LRMDA: variants seen among roughly 807,000 people sequenced by gnomAD.
LRMDA encodes the protein leucine rich melanocyte differentiation associated.
In LRMDA, 18 loss-of-function variants were observed where a neutral mutation model predicts 29.8. The ratio of observed to expected loss-of-function variants is 0.60; its 90% CI spans 0.42 to 0.90. The LOEUF (loss-of-function observed/expected upper bound fraction) is 0.90. Ranked by LOEUF, LRMDA falls within the 40% of genes least tolerant of loss-of-function variation. The pLI, the probability that LRMDA is intolerant of heterozygous loss-of-function variation, is 0.00. For missense variants in LRMDA, 273 were observed against 273.9 expected (o/e 1.00, Z 0.02); for synonymous variants, 125 against 109.4 (o/e 1.14, Z -0.89).
intron 2 of LRMDA, among the ~76,000 whole-genome samples, chr10:76,031,286 CA>C (rs1848143933): frequency 6.6e-6 from 1 of 152,172 alleles, no homozygotes; most frequent in Non-Finnish European, 1.5e-5. Context: ...CTGGTATACC[CA>C]TGCAGACTTG....
intron 6 of LRMDA, among the ~76,000 whole-genome samples, chr10:76,371,985 G>C (rs1305191101): frequency 6.6e-6 from 1 of 152,072 alleles, no homozygotes; most frequent in East Asian, 1.9e-4. Context: ...ACTAGCTCAG[G>C]GTGCTTTGTC....
At chr10:75,458,104 CTG>C (rs1423261898) in intron 2 of LRMDA, among the ~76,000 whole-genome samples, 1 of 152,146 alleles carries the variant, frequency 6.6e-6, no homozygotes, top group Non-Finnish European at 1.5e-5. Context: ...CATTTAATCT[CTG>C]TTGTCATTCT....
At chr10:76,347,610 T>C (rs1032042084) in intron 6 of LRMDA, among the ~76,000 whole-genome samples, 1 of 152,112 alleles carries the variant, frequency 6.6e-6, no homozygotes, top group African/African-American at 2.4e-5. Context: ...CTGGGGAAAA[T>C]AGACCCCTAA....
At chr10:76,043,176 G>A (rs561664395) in intron 3 of LRMDA, among the ~76,000 whole-genome samples, 1 of 152,144 alleles carries the variant, frequency 6.6e-6, no homozygotes, top group Non-Finnish European at 1.5e-5. Flanking sequence ...GTGTAGGCAT[G>A]TATACATACA....
chr10:76,124,822 G>A (rs1298698879), intron 5 of LRMDA, among the ~76,000 whole-genome samples: 1 of 152,204 alleles, frequency 6.6e-6, no homozygotes, highest in Non-Finnish European at 1.5e-5. Flanking sequence ...TTTGCCAGCC[G>A]ATTCCTTAAA....
intron 5 of LRMDA, among the ~76,000 whole-genome samples, chr10:76,293,618 C>T (rs971501804): frequency 6.6e-6 from 1 of 152,080 alleles, no homozygotes; most frequent in Non-Finnish European, 1.5e-5. Context: ...TAAGTTCAAG[C>T]CTTAGGGAGA....
intron 5 of LRMDA, among the ~76,000 whole-genome samples, chr10:76,310,451 C>A (rs527768325): frequency 7.2e-6 from 1 of 139,420 alleles, no homozygotes; most frequent in East Asian, 2.0e-4. Context: ...CTTTACATGA[C>A]TCTTCTCCTG....
intron 2 of LRMDA, among the ~76,000 whole-genome samples, chr10:75,696,265 A>C (rs1842232591): frequency 6.6e-6 from 1 of 152,234 alleles, no homozygotes; most frequent in South Asian, 2.1e-4. Context: ...GTGGATTGGC[A>C]GAGGGACTCT....
chr10:76,105,537 A>G (rs1257529322), intron 5 of LRMDA, among the ~76,000 whole-genome samples: 1 of 152,134 alleles, frequency 6.6e-6, no homozygotes, highest in East Asian at 1.9e-4. Flanking sequence ...AGAGACAGGG[A>G]AACAGACACA....
chr10:75,582,991 C>T (rs1840613177), intron 2 of LRMDA, among the ~76,000 whole-genome samples: 1 of 152,252 alleles, frequency 6.6e-6, no homozygotes. Flanking sequence ...CTCCAGTTCT[C>T]AATAAGTTTC....
At chr10:75,818,556 C>T (rs778296941) in intron 2 of LRMDA, among the ~76,000 whole-genome samples, 3 of 152,186 alleles carry the variant, frequency 2.0e-5, no homozygotes, top group Non-Finnish European at 4.4e-5. Flanking sequence ...AACGTTTTAG[C>T]CCAGAACTGC....
intron 5 of LRMDA, among the ~76,000 whole-genome samples, chr10:76,129,282 C>T (rs1393294247): frequency 3.9e-5 from 6 of 152,230 alleles, no homozygotes; most frequent in Middle Eastern, 3.2e-3. Context: ...CTCCTCCATC[C>T]TGCAGTCCTA....
At chr10:75,455,284 C>T (rs1844502476) in intron 2 of LRMDA, among the ~76,000 whole-genome samples, 1 of 152,172 alleles carries the variant, frequency 6.6e-6, no homozygotes, top group Non-Finnish European at 1.5e-5. Context: ...CAGGTCTCCT[C>T]CTGTTTATTG....
intron 2 of LRMDA, among the ~76,000 whole-genome samples, chr10:75,641,811 G>T (rs1841456928): frequency 6.6e-6 from 1 of 152,118 alleles, no homozygotes; most frequent in African/African-American, 2.4e-5. Flanking sequence ...AACTTAGGAA[G>T]CTGAGGTGGG....
At chr10:76,548,339 A>G (rs2579743) in intron 6 of LRMDA, among the ~76,000 whole-genome samples, 106,640 of 146,556 alleles carry the variant, frequency 0.73, 38,080 homozygotes, top group Non-Finnish European at 0.8. Flanking sequence ...GTATTGAAGC[A>G]TACTAGGCAG....
chr10:76,266,940 A>G (rs1381368734), intron 5 of LRMDA, among the ~76,000 whole-genome samples: 2 of 152,162 alleles, frequency 1.3e-5, no homozygotes. Flanking sequence ...AATATAGGCT[A>G]GAGTTTCCCA....
chr10:76,324,486 G>T lies in LRMDA; in HGVS notation c.601+1G>T. ...TCCAGGGAACTCACCAGTCACCAAG[G>T]TTGGAACTCAGCTTTTTATTGCTCT... On this transcript the variant is annotated splice_donor_variant, in intron 6 of 6. Transcript: ENST00000611255. LOFTEE classifies it high-confidence loss of function. 1 of 1,614,026 alleles carries T rather than the reference G, an allele frequency of 6.2e-7. No homozygotes were observed. The highest frequency in any genetic ancestry group is 1.1e-5 in the South Asian group (1 of 91,070).
At position 75,514,306 on chromosome 10, in the gene LRMDA, CT is replaced by C. The variant is rs565718150; in HGVS notation, c.131+75814del. On this transcript the variant is annotated intron_variant, in intron 2 of 6. Transcript: ENST00000611255. ...CCTTCCTCCTCCCTCCTTTTTCCTT[CT>C]TCTTCTTCTTTTTTTTTTTTAAATA... 3.7e-4 allele frequency among the ~76,000 whole-genome samples: 56 copies of C among 150,636 alleles called. 1 individual carries two copies. Among genetic ancestry groups the C allele is most frequent in the Admixed American group, 1.3e-3 (20 of 15,068 alleles).
chr10:75,860,838 A>G (rs1199864251), intron 2 of LRMDA, among the ~76,000 whole-genome samples: 6 of 152,228 alleles, frequency 3.9e-5, no homozygotes, highest in Non-Finnish European at 8.8e-5. Context: ...ACACTGGGGA[A>G]GAACTCGGAT....
Sources: allele counts gnomAD v4.1 joint callset (sites outside exome capture counted in the v4.1 genomes callset), GRCh38; gene constraint gnomAD v4.1.1; transcripts MANE v1.5; gene names NCBI Gene and HGNC (gene_info 2026-07-23, HGNC 2026-07-21).